MLYCD: variants seen among roughly 807,000 people sequenced by gnomAD.
MLYCD encodes the protein malonyl-CoA decarboxylase.
A neutral mutation model predicts 35.8 loss-of-function variants in MLYCD; 27 were observed. The observed-to-expected ratio is 0.75, with a 90% CI of 0.56 to 1.04. MLYCD has a LOEUF of 1.04. Ranked by LOEUF, MLYCD falls within the 50% of genes least tolerant of loss-of-function variation. MLYCD has a pLI of 0.00. For missense variants in MLYCD, 917 were observed against 665.1 expected (o/e 1.38, Z -4.17); for synonymous variants, 403 against 302.4 (o/e 1.33, Z -3.45).
rs781754033 is a variant in MLYCD at position 83,912,353 on chromosome 16, G to A, written c.934G>A (p.Val312Ile). 43 of 1,614,148 alleles carry A rather than the reference G, an allele frequency of 2.7e-5. No homozygotes were observed. The highest frequency in any genetic ancestry group is 1.2e-4 in the Admixed American group (7 of 60,024). The change falls in exon 4 of 5, where the codon GTC becomes ATC. Residue 312 changes from valine to isoleucine, a missense_variant. Transcript: ENST00000262430. ...ELGTFLIKRV[V>I]KELQREFPHL... is the part of the protein sequence containing the mutation. ...GGGAACATTCCTCATAAAGCGAGTC[G>A]TCAAGGAGTTGCAGGTAAGCGACAC...
At chr16:83,914,306 C>T (rs967803338) in intron 4 of MLYCD, 1 of 165,356 alleles carries the variant, frequency 6.0e-6, no homozygotes, top group Non-Finnish European at 1.3e-5. Flanking sequence ...CCGTTCTGCA[C>T]CCGCCGTGGT....
intron 4 of MLYCD, chr16:83,914,329 CT>C (rs1907293584): frequency 6.0e-6 from 1 of 166,480 alleles, no homozygotes; most frequent in Non-Finnish European, 1.3e-5. Context: ...GGCCGGGCAG[CT>C]AGTCGCTCAC....
chr16:83,899,511 C>T lies in MLYCD; in HGVS notation c.367C>T (p.Leu123=). 1.3e-6 allele frequency: 2 copies of T among 1,585,182 alleles called. No individual in the cohort carries two copies. The highest frequency in any genetic ancestry group is 8.5e-7 in the Non-Finnish European group (1 of 1,174,698). Residue 123 remains leucine (L), a synonymous_variant, in exon 1 of 5, where the codon CTG becomes TTG. Coordinates refer to ENST00000262430, the MANE Select transcript of MLYCD (RefSeq NM_012213.3). ...GCAGCAGCGGGAGGCGGCGGTGCTG[C>T]TGCAGGCCGAGGACCGGCTGCGCTA... ...RQQQREAAVL[L]QAEDRLRYAL... is the part of the protein sequence containing the mutation.
rs981581369 is a variant in MLYCD, at chr16:83,916,090, G to T, written c.*601G>T. On this transcript the variant is annotated 3_prime_UTR_variant, in exon 5 of 5. Coordinates refer to ENST00000262430, the MANE Select transcript of MLYCD (RefSeq NM_012213.3). ...GAACACAAAAATGTTGCTGCTTGAGGCATAAGTTGGATAATAGGCTTTAAA... is the reference window on the plus strand; with the variant it reads ...GAACACAAAAATGTTGCTGCTTGAGTCATAAGTTGGATAATAGGCTTTAAA... 6.0e-5 allele frequency: 60 copies of T among 996,702 alleles called. No individual in the cohort carries two copies. The highest frequency in any genetic ancestry group is 6.9e-5 in the Non-Finnish European group (58 of 835,358). 61.7% of individuals were successfully genotyped at this position (996,702 alleles called of 1,614,324 possible). A position where few individuals can be genotyped will look rare whatever the true frequency, so the allele number is the denominator to read the frequency against.
In MLYCD at chr16:83,926,771, TGAGTCTCTGGGACAGATG is replaced by T. The variant is rs1907820607; in HGVS notation, c.*11285_*11302del. ...CAGGGACGCACTTTGATGCTGAAAA[TGAGTCTCTGGGACAGATG>T]GATCCCAGTCTGGGTCCTCGCAAGC... On this transcript the variant is annotated 3_prime_UTR_variant, in exon 5 of 5. Coordinates refer to ENST00000262430, the MANE Select transcript of MLYCD (RefSeq NM_012213.3). The T allele has an allele frequency of 6.6e-6, 1 of 152,184 alleles. No homozygotes were observed. The highest frequency in any genetic ancestry group is 6.5e-5 in the Admixed American group (1 of 15,280). 9.4% of individuals were successfully genotyped at this position (152,184 alleles called of 1,614,324 possible). A position where few individuals can be genotyped will look rare whatever the true frequency, so the allele number is the denominator to read the frequency against.
chr16:83,904,843 C>T (rs1299703781), intron 1 of MLYCD, among the ~76,000 whole-genome samples: 1 of 152,184 alleles, frequency 6.6e-6, no homozygotes, highest in Non-Finnish European at 1.5e-5. Flanking sequence ...TTCAAAAGTT[C>T]CTCTTTACAC....
chr16:83,912,542 TC>T, intron 4 of MLYCD, 175 bp downstream of exon 4: 1 of 789,422 alleles, frequency 1.3e-6, no homozygotes, highest in Non-Finnish European at 2.1e-6. Flanking sequence ...GCCATGAGTC[TC>T]CCAGAGAGAT....
intron 3 of MLYCD, 65 bp from the exon 4 acceptor site, chr16:83,912,153 C>T (rs954772716): frequency 6.2e-7 from 1 of 1,606,828 alleles, no homozygotes; most frequent in South Asian, 1.1e-5. Context: ...GTCCCAGCAA[C>T]AGGCTTGCCT....
chr16:83,916,996 G>T lies in MLYCD; in HGVS notation c.*1507G>T. On this transcript the variant is annotated 3_prime_UTR_variant, in exon 5 of 5. Transcript: ENST00000262430. ...GATCAGTGCACGCCTGTGTGCGTGT[G>T]CACGAGCGTCTCTGTGTGTCAGTGC... is the stretch of plus-strand genomic sequence containing the variant. 1 of 129,966 alleles carries T rather than the reference G, an allele frequency of 7.7e-6. No homozygotes were observed. Among genetic ancestry groups the T allele is most frequent in the Non-Finnish European group, 1.6e-5 (1 of 61,812 alleles). The allele number at this position is 129,966 out of a possible 1,614,324, so 8.1% of individuals were successfully genotyped here.
intron 4 of MLYCD, 182 bp downstream of exon 4, chr16:83,912,549 G>C (rs1318501642): frequency 7.9e-6 from 6 of 761,460 alleles, no homozygotes; most frequent in Non-Finnish European, 1.3e-5. Context: ...GTCTCCCAGA[G>C]AGATGAGAAT....
rs1461160913 is a variant in MLYCD at position 83,921,505 on chromosome 16, G to A, written c.*6016G>A. ...GATGGATGAATGATGGAAGATGGAT[G>A]GATGGGGGACAGATGAATTGATGGC... On this transcript the variant is annotated 3_prime_UTR_variant, in exon 5 of 5. Transcript: ENST00000262430. 3 of 152,106 alleles carry A rather than the reference G, an allele frequency of 2.0e-5. No homozygotes were observed. The highest frequency in any genetic ancestry group is 6.6e-5 in the Admixed American group (1 of 15,266). The allele number at this position is 152,106 out of a possible 1,614,324, so 9.4% of individuals were successfully genotyped here. A position where few individuals can be genotyped will look rare whatever the true frequency, so the allele number is the denominator to read the frequency against.
In MLYCD at chr16:83,918,135, C is replaced by T. The variant is rs900977309; in HGVS notation, c.*2646C>T. 3.9e-5 allele frequency: 6 copies of T among 152,252 alleles called. No individual in the cohort carries two copies. Among genetic ancestry groups the T allele is most frequent in the Non-Finnish European group, 7.3e-5 (5 of 68,036 alleles). 9.4% of individuals were successfully genotyped at this position (152,252 alleles called of 1,614,324 possible). On this transcript the variant is annotated 3_prime_UTR_variant, in exon 5 of 5. Transcript: ENST00000262430. ...TCCAGCAAGGCGGCTCATCACATCA[C>T]GTTACTCTTTAGGTCAAATGTAACC...
At chr16:83,912,633 C>G (rs1451830366) in intron 4 of MLYCD, 14 of 493,592 alleles carry the variant, frequency 2.8e-5, no homozygotes, top group African/African-American at 3.9e-5. Flanking sequence ...GTCATCAACT[C>G]TCTCTAGGGT....
chr16:83,899,755 C>T (rs1436076064), intron 1 of MLYCD, 83 bp downstream of exon 1: 2 of 1,393,322 alleles, frequency 1.4e-6, no homozygotes, highest in African/African-American at 1.5e-5. Flanking sequence ...CCAAGTCCCA[C>T]ACACCCCGCC....
intron 1 of MLYCD, among the ~76,000 whole-genome samples, chr16:83,902,015 C>A (rs1906804407): frequency 6.6e-6 from 1 of 151,880 alleles, no homozygotes; most frequent in South Asian, 2.1e-4. Flanking sequence ...ACCTAGAAAC[C>A]CCAGCCTTAT....
At position 83,899,139 on chromosome 16, in the gene MLYCD, G is replaced by T; in HGVS notation, c.-6G>T. On this transcript the variant is annotated 5_prime_UTR_variant, in exon 1 of 5. Coordinates refer to ENST00000262430, the MANE Select transcript of MLYCD (RefSeq NM_012213.3). ...CGCTCCCCCTCGGCAGCTGTTGTGG[G>T]GCACCATGCGAGGCTTCGGGCCAGG... 2 of 1,131,912 alleles carry T rather than the reference G, an allele frequency of 1.8e-6. No individual in the cohort carries two copies. Among genetic ancestry groups the T allele is most frequent in the South Asian group, 3.8e-5 (1 of 26,570 alleles). 70.1% of individuals were successfully genotyped at this position (1,131,912 alleles called of 1,614,324 possible).
intron 4 of MLYCD, 62 bp downstream of exon 4, chr16:83,912,429 T>C: frequency 1.2e-6 from 2 of 1,604,164 alleles, no homozygotes; most frequent in South Asian, 2.2e-5. Flanking sequence ...TCAGCGAACC[T>C]CGTGGGGTGT....
rs528074239 is a variant in MLYCD, at chr16:83,899,369, C to T, written c.225C>T (p.Tyr75=). ...EGQCADFVSF[Y]GGLAETAQRA... ...AGTGCGCGGACTTCGTGAGCTTCTA[C>T]GGTGGGCTGGCCGAGACGGCCCAGC... is the stretch of plus-strand genomic sequence containing the variant. The change falls in exon 1 of 5, where the codon TAC becomes TAT. Residue 75 remains tyrosine, a synonymous_variant. Coordinates refer to ENST00000262430, the MANE Select transcript of MLYCD (RefSeq NM_012213.3). 1.1e-5 allele frequency: 17 copies of T among 1,527,804 alleles called. No homozygotes were observed. Among genetic ancestry groups the T allele is most frequent in the East Asian group, 5.2e-5 (2 of 38,242 alleles). 94.6% of individuals were successfully genotyped at this position (1,527,804 alleles called of 1,614,324 possible). A position where few individuals can be genotyped will look rare whatever the true frequency, so the allele number is the denominator to read the frequency against.
intron 2 of MLYCD, among the ~76,000 whole-genome samples, chr16:83,907,591 C>T (rs757090853): frequency 6.6e-6 from 1 of 152,176 alleles, no homozygotes; most frequent in Non-Finnish European, 1.5e-5. Context: ...TACCTTTGCA[C>T]GTAGGCATCT....
Sources: gnomAD v4.1 joint callset for allele counts (sites outside exome capture counted in the v4.1 genomes callset) on GRCh38, gnomAD v4.1.1 for gene constraint, MANE v1.5 for transcripts, NCBI Gene and HGNC (gene_info 2026-07-23, HGNC 2026-07-21) for gene names.